EPHB1: variants seen among roughly 807,000 people sequenced by gnomAD.
The protein encoded by EPHB1 is ephrin type-B receptor 1.
In EPHB1, 30 loss-of-function variants were observed where a neutral mutation model predicts 94.4. The observed-to-expected ratio is 0.32, with a 90% CI of 0.24 to 0.43. The LOEUF (loss-of-function observed/expected upper bound fraction) is 0.43, where lower values mean the gene tolerates loss of function less well. Ranked by LOEUF, EPHB1 falls within the 20% of genes least tolerant of loss-of-function variation. The probability of loss-of-function intolerance (pLI) is 1.00; values close to 1 mark genes in which losing one functional copy is unlikely to be tolerated. For missense variants in EPHB1, 1,055 were observed against 1,308.3 expected (o/e 0.81, Z 2.99); for synonymous variants, 522 against 489.1 (o/e 1.07, Z -0.89).
At chr3:135,163,721 A>T (rs992085107) in intron 7 of EPHB1, among the ~76,000 whole-genome samples, 10 of 152,234 alleles carry the variant, frequency 6.6e-5, no homozygotes, top group Admixed American at 3.9e-4. Flanking sequence ...ATTTCTCCCA[A>T]GAAGGCTGTT....
intron 2 of EPHB1, among the ~76,000 whole-genome samples, chr3:134,946,755 C>G (rs1352432254): frequency 1.3e-5 from 2 of 149,120 alleles, no homozygotes; most frequent in African/African-American, 5.1e-5. Context: ...CCTGGCATCT[C>G]TCTTGCTCCC....
intron 3 of EPHB1, among the ~76,000 whole-genome samples, chr3:135,092,544 A>G (rs1938593613): frequency 6.6e-6 from 1 of 152,048 alleles, no homozygotes; most frequent in Admixed American, 6.6e-5. Flanking sequence ...TCTCCTGCTT[A>G]GCTGTGACAT....
At chr3:135,214,877 A>G (rs900613896) in intron 12 of EPHB1, among the ~76,000 whole-genome samples, 6 of 152,284 alleles carry the variant, frequency 3.9e-5, no homozygotes, top group African/African-American at 1.2e-4. Context: ...CTTTCCCAGC[A>G]TGGTGTGGTG....
Position 135,162,029 on chromosome 3 carries a change from G to A in EPHB1, c.1434G>A (p.Glu478=), listed in dbSNP as rs373658195. The A allele has an allele frequency of 9.4e-5, 152 of 1,610,614 alleles. 1 individual carries two copies. In the Middle Eastern group the frequency reaches 2.6e-3, roughly 28 times the overall value. The change falls in exon 7 of 16, where the codon GAG becomes GAA. Residue 478 remains glutamate, a synonymous_variant. Coordinates refer to ENST00000398015, the MANE Select transcript of EPHB1 (RefSeq NM_004441.5). ...EIRYYEKEHN[E]FNSSMARSQT... is the part of the protein sequence containing the mutation. ...TTGCTTTCTTTTAGGAACACAATGAGTTCAACTCCTCCATGGCCAGGAGTC... is the reference window on the plus strand; with the variant it reads ...TTGCTTTCTTTTAGGAACACAATGAATTCAACTCCTCCATGGCCAGGAGTC...
intron 1 of EPHB1, among the ~76,000 whole-genome samples, chr3:134,827,382 C>CAAACAT (rs2036502835): frequency 1.3e-5 from 2 of 152,134 alleles, no homozygotes; most frequent in Non-Finnish European, 2.9e-5. Flanking sequence ...CACACACACA[C>CAAACAT]ACACACATAC....
chr3:134,830,456 T>C (rs1255049034), intron 1 of EPHB1, among the ~76,000 whole-genome samples: 2 of 152,240 alleles, frequency 1.3e-5, no homozygotes, highest in African/African-American at 4.8e-5. Flanking sequence ...TTAATTTTTA[T>C]TAACATACAT....
At chr3:135,173,477 C>A (rs933646050) in intron 9 of EPHB1, among the ~76,000 whole-genome samples, 1 of 152,174 alleles carries the variant, frequency 6.6e-6, no homozygotes, top group Admixed American at 6.5e-5. Context: ...GTCCTCCTCC[C>A]ACCCACTGCT....
rs368961589 is a variant in EPHB1, at chr3:135,092,982, T to C, written c.806-13466T>C. On this transcript the variant is annotated intron_variant, in intron 3 of 15. Coordinates refer to ENST00000398015, the MANE Select transcript of EPHB1 (RefSeq NM_004441.5). Reference sequence around the variant, plus strand: ...CATTTAGCTGCTTGCTGCCTCTGCATTGGGGGCTCCTCCAGACCCCCTTAC... The same window carrying C: ...CATTTAGCTGCTTGCTGCCTCTGCACTGGGGGCTCCTCCAGACCCCCTTAC... 1.4e-3 allele frequency among the ~76,000 whole-genome samples: 219 copies of C among 152,268 alleles called. 1 individual carries two copies. Among genetic ancestry groups the C allele is most frequent in the Middle Eastern group, 0.01 (3 of 294 alleles).
intron 13 of EPHB1, among the ~76,000 whole-genome samples, chr3:135,241,800 G>T (rs1286718049): frequency 6.6e-6 from 1 of 152,156 alleles, no homozygotes; most frequent in African/African-American, 2.4e-5. Context: ...AGAGTAATTG[G>T]AAAGGGCCCT....
intron 3 of EPHB1, among the ~76,000 whole-genome samples, chr3:135,085,851 G>A (rs1006874824): frequency 2.0e-5 from 3 of 152,270 alleles, no homozygotes; most frequent in East Asian, 1.9e-4. Context: ...TGAAATGATG[G>A]TCTTTAATCA....
At chr3:135,175,948 G>T (rs1364798251) in intron 9 of EPHB1, among the ~76,000 whole-genome samples, 1 of 152,150 alleles carries the variant, frequency 6.6e-6, no homozygotes, top group Admixed American at 6.5e-5. Context: ...CTGCTCACTG[G>T]CAAGTGGGAG....
chr3:134,970,489 T>C (rs181794596), intron 3 of EPHB1, among the ~76,000 whole-genome samples: 1 of 152,310 alleles, frequency 6.6e-6, no homozygotes, highest in Admixed American at 6.5e-5. Flanking sequence ...TTGTCTTACT[T>C]CATGGCACTT....
At chr3:135,137,816 C>T (rs1276685582) in intron 5 of EPHB1, among the ~76,000 whole-genome samples, 2 of 152,176 alleles carry the variant, frequency 1.3e-5, no homozygotes, top group Non-Finnish European at 2.9e-5. Flanking sequence ...TATTTTTTCT[C>T]CCTAGACTGT....
At chr3:134,828,998 T>A (rs1001560622) in intron 1 of EPHB1, among the ~76,000 whole-genome samples, 10 of 152,188 alleles carry the variant, frequency 6.6e-5, no homozygotes, top group African/African-American at 2.2e-4. Flanking sequence ...TCATACCCTA[T>A]TTTGGGGAAT....
At chr3:135,019,743 A>G (rs535636772) in intron 3 of EPHB1, among the ~76,000 whole-genome samples, 8 of 152,342 alleles carry the variant, frequency 5.3e-5, no homozygotes, top group Admixed American at 2.6e-4. Context: ...ATAATATTCA[A>G]TCTTGTGGCT....
At chr3:135,227,368 T>C (rs564584116) in intron 12 of EPHB1, among the ~76,000 whole-genome samples, 76 of 152,326 alleles carry the variant, frequency 5.0e-4, no homozygotes, top group African/African-American at 1.8e-3. Context: ...GAAATTACTA[T>C]CATTCATAGT....
In EPHB1 at chr3:135,109,790, C is replaced by G. The variant is rs565632272; in HGVS notation, c.961+3187C>G. ...TGAGAAGCTGCCGAGCTCGCTGTCC[C>G]TGGATGAGAGGTGCCAAGAAGCTGG... On this transcript the variant is annotated intron_variant, in intron 4 of 15. Transcript: ENST00000398015. Among the ~76,000 whole-genome samples the G allele has an allele frequency of 4.6e-5, 7 of 152,358 alleles. 1 individual carries two copies. The highest frequency in any genetic ancestry group is 8.8e-5 in the Non-Finnish European group (6 of 68,030).
At chr3:135,118,873 A>G (rs1939825032) in intron 4 of EPHB1, among the ~76,000 whole-genome samples, 1 of 152,182 alleles carries the variant, frequency 6.6e-6, no homozygotes, top group Non-Finnish European at 1.5e-5. Flanking sequence ...TGCCACAAAA[A>G]TGCATATCCC....
intron 3 of EPHB1, among the ~76,000 whole-genome samples, chr3:135,094,364 C>T (rs1286092700): frequency 6.6e-6 from 1 of 152,222 alleles, no homozygotes; most frequent in Non-Finnish European, 1.5e-5. Context: ...TTGCCTCCTT[C>T]CCCAGAGTCC....
Sources: gnomAD v4.1 joint callset for allele counts (sites outside exome capture counted in the v4.1 genomes callset) on GRCh38, gnomAD v4.1.1 for gene constraint, MANE v1.5 for transcripts, NCBI Gene and HGNC (gene_info 2026-07-23, HGNC 2026-07-21) for gene names.